MRE11: variants seen among roughly 807,000 people sequenced by gnomAD.
MRE11 encodes the protein double-strand break repair protein MRE11.
Under a neutral mutation model 91.7 loss-of-function variants are expected in MRE11, and 62 were observed. The observed-to-expected ratio is 0.68, with a 90% CI of 0.55 to 0.84. The LOEUF is 0.84. MRE11 is among the 40% of genes least tolerant of loss of function. The pLI, the probability that MRE11 is intolerant of heterozygous loss-of-function variation, is 0.00. For missense variants in MRE11, 796 were observed against 852.9 expected (o/e 0.93, Z 0.83); for synonymous variants, 273 against 271.4 (o/e 1.01, Z -0.06).
intron 14 of MRE11, among the ~76,000 whole-genome samples, chr11:94,453,192 A>T (rs1003751321): frequency 6.6e-6 from 1 of 152,154 alleles, no homozygotes; most frequent in Non-Finnish European, 1.5e-5. Context: ...ATATTCCATT[A>T]CATGCACATA....
rs966580350 is a variant in MRE11, at chr11:94,435,812, C to T, written c.1994+20G>A. 1.9e-6 allele frequency: 3 copies of T among 1,603,842 alleles called. No individual in the cohort carries two copies. The highest frequency in any genetic ancestry group is 2.2e-5 in the East Asian group (1 of 44,818). ...TAATTTTTTTCAGATGTTTCTTTTGCAGAAAATCACTGCACCTACCTTTGA... is the reference window on the plus strand; with the variant it reads ...TAATTTTTTTCAGATGTTTCTTTTGTAGAAAATCACTGCACCTACCTTTGA... On this transcript the variant is annotated intron_variant, in intron 18 of 19. Transcript: ENST00000323929.
chr11:94,509,698 C>G, the MRE11 span, among the ~76,000 whole-genome samples: 1 of 152,190 alleles, frequency 6.6e-6, no homozygotes, highest in Non-Finnish European at 1.5e-5. Flanking sequence ...CCTCAGCCTC[C>G]CAAAGTGCTG....
At chr11:94,476,253 G>A (rs1946851119) in intron 7 of MRE11, 36 bp downstream of exon 7, 9 of 1,375,376 alleles carry the variant, frequency 6.5e-6, no homozygotes, top group Non-Finnish European at 9.3e-6. Flanking sequence ...GGAAGCCTCA[G>A]CACTTGGCTC....
the MRE11 span, among the ~76,000 whole-genome samples, chr11:94,511,300 T>C: frequency 6.6e-6 from 1 of 152,216 alleles, no homozygotes; most frequent in South Asian, 2.1e-4. Flanking sequence ...ACCATGATTG[T>C]AAGTTTCCGG....
intron 11 of MRE11, among the ~76,000 whole-genome samples, chr11:94,462,243 G>A (rs190318634): frequency 3.4e-4 from 52 of 152,228 alleles, no homozygotes; most frequent in African/African-American, 1.3e-3. Flanking sequence ...TCCTCTTCAA[G>A]GAGAACTACA....
intron 15 of MRE11, among the ~76,000 whole-genome samples, chr11:94,446,640 G>A (rs556477): frequency 0.67 from 101,194 of 152,070 alleles, 33,804 homozygotes; most frequent in South Asian, 0.77. Flanking sequence ...AAGTCACTGA[G>A]TGACCAATTT....
the MRE11 span, among the ~76,000 whole-genome samples, chr11:94,502,596 A>G: frequency 6.6e-6 from 1 of 152,158 alleles, no homozygotes; most frequent in Non-Finnish European, 1.5e-5. Context: ...TCTACTTTTA[A>G]ATATGCTTGC....
chr11:94,484,339 G>C (rs544648570), intron 4 of MRE11, among the ~76,000 whole-genome samples: 1 of 152,296 alleles, frequency 6.6e-6, no homozygotes, highest in East Asian at 1.9e-4. Flanking sequence ...ATCACAATTA[G>C]AATATCACAG....
intron 19 of MRE11, 121 bp downstream of exon 19, chr11:94,429,790 C>T: frequency 1.2e-6 from 1 of 853,388 alleles, no homozygotes; most frequent in Non-Finnish European, 1.8e-6. Context: ...CATGTACTCC[C>T]TGAACATAAA....
intron 4 of MRE11, among the ~76,000 whole-genome samples, chr11:94,482,461 G>GA (rs1947035559): frequency 6.6e-6 from 1 of 152,060 alleles, no homozygotes; most frequent in Non-Finnish European, 1.5e-5. Flanking sequence ...GACACTCCAT[G>GA]AAAAAACTAC....
intron 16 of MRE11, among the ~76,000 whole-genome samples, chr11:94,438,533 T>C (rs1257080817): frequency 6.6e-6 from 1 of 152,238 alleles, no homozygotes; most frequent in Non-Finnish European, 1.5e-5. Flanking sequence ...CCAGTGATCA[T>C]GATGATTTCA....
chr11:94,452,446 TC>T (rs1265074848), intron 14 of MRE11, among the ~76,000 whole-genome samples: 1 of 152,122 alleles, frequency 6.6e-6, no homozygotes, highest in African/African-American at 2.4e-5. Flanking sequence ...AAACAAGCAC[TC>T]CCAAATACTA....
chr11:94,502,942 T>C, the MRE11 span, among the ~76,000 whole-genome samples: 12 of 152,326 alleles, frequency 7.9e-5, no homozygotes, highest in African/African-American at 2.4e-4. Flanking sequence ...CCCAAAGTGC[T>C]GGGATTACAG....
intron 3 of MRE11, among the ~76,000 whole-genome samples, chr11:94,489,385 T>A (rs1486529782): frequency 6.6e-6 from 1 of 151,992 alleles, no homozygotes; most frequent in South Asian, 2.1e-4. Flanking sequence ...GGGGTCAAGA[T>A]CAAGTCGAAC....
intron 4 of MRE11, among the ~76,000 whole-genome samples, chr11:94,481,322 A>G (rs1240493982): frequency 6.6e-6 from 1 of 152,140 alleles, no homozygotes; most frequent in East Asian, 1.9e-4. Context: ...AAAAAAAAAT[A>G]AAAGTTAAAT....
At chr11:94,464,466 G>C (rs897976318) in intron 10 of MRE11, among the ~76,000 whole-genome samples, 1 of 152,118 alleles carries the variant, frequency 6.6e-6, no homozygotes, top group Non-Finnish European at 1.5e-5. Flanking sequence ...TGGAATCAAG[G>C]TATTGCAATA....
In MRE11 at chr11:94,419,465, G is replaced by GGAGGGAGAGA. The variant is rs1554996392; in HGVS notation, c.*659_*660insTCTCTCCCTC. On this transcript the variant is annotated 3_prime_UTR_variant, in exon 20 of 20. Transcript: ENST00000323929. ...GAAGAGTGGGGAACGGGGGGGAGAG[G>GGAGGGAGAGA]GAGAGAGAGAGAGAGAGAGAGAGAG... is the stretch of plus-strand genomic sequence containing the variant. 4.2e-5 allele frequency: 9 copies of GGAGGGAGAGA among 216,432 alleles called. No individual in the cohort carries two copies. Among genetic ancestry groups the GGAGGGAGAGA allele is most frequent in the South Asian group, 4.1e-4 (2 of 4,854 alleles). The allele number at this position is 216,432 out of a possible 1,614,324, so 13.4% of individuals were successfully genotyped here.
Position 94,444,202 on chromosome 11 carries a change from C to A in MRE11, c.1867+1608G>T, listed in dbSNP as rs1462208402. ...AGGATTATAGGCATGAGCCACTGCG[C>A]CTGGCCAACCATTTTTTATATTATT... is the stretch of plus-strand genomic sequence containing the variant. On this transcript the variant is annotated intron_variant, in intron 16 of 19. Transcript: ENST00000323929. Among the ~76,000 whole-genome samples the A allele has an allele frequency of 2.6e-5, 4 of 152,136 alleles. No homozygotes were observed. In the East Asian group the frequency reaches 7.7e-4, roughly 29 times the overall value.
intron 3 of MRE11, among the ~76,000 whole-genome samples, chr11:94,489,604 T>A (rs1239179518): frequency 6.6e-6 from 1 of 152,156 alleles, no homozygotes; most frequent in East Asian, 1.9e-4. Context: ...AGTTTATTAG[T>A]GTGAAAAGAG....
Sources: gnomAD v4.1 joint callset for allele counts (sites outside exome capture counted in the v4.1 genomes callset) on GRCh38, gnomAD v4.1.1 for gene constraint, MANE v1.5 for transcripts, NCBI Gene and HGNC (gene_info 2026-07-23, HGNC 2026-07-21) for gene names.